Variants in TEX29 observed in about 807,000 individuals in gnomAD.
TEX29 encodes testis-expressed protein 29.
A neutral mutation model predicts 18.2 loss-of-function variants in TEX29; 26 were observed. The ratio of observed to expected loss-of-function variants is 1.43; its 90% confidence interval spans 1.04 to 1.98. The LOEUF (loss-of-function observed/expected upper bound fraction) is 1.98. Ranked by LOEUF, TEX29 falls within the 30% of genes most tolerant of loss-of-function variation. The pLI, the probability that TEX29 is intolerant of heterozygous loss-of-function variation, is 0.00. For missense variants in TEX29, 177 were observed against 194.2 expected (o/e 0.91, Z 0.53); for synonymous variants, 83 against 78.5 (o/e 1.06, Z -0.31).
At chr13:111,328,566 C>CCCTT (rs2093677871) in intron 3 of TEX29, among the ~76,000 whole-genome samples, 1 of 152,130 alleles carries the variant, frequency 6.6e-6, no homozygotes, top group South Asian at 2.1e-4. Flanking sequence ...AATGGAGGCC[C>CCCTT]CCTTCATGGA....
intron 3 of TEX29, among the ~76,000 whole-genome samples, chr13:111,336,498 G>A (rs1161906397): frequency 6.6e-6 from 1 of 152,208 alleles, no homozygotes; most frequent in Non-Finnish European, 1.5e-5. Context: ...TTAAGAATAT[G>A]AATTGGGAAT....
intron 3 of TEX29, among the ~76,000 whole-genome samples, chr13:111,334,619 C>T (rs969601510): frequency 4.5e-4 from 68 of 152,346 alleles, no homozygotes; most frequent in Middle Eastern, 6.8e-3. Context: ...GCTCTCTATG[C>T]ACATCTCATT....
chr13:111,334,104 A>G (rs938227320), intron 3 of TEX29, among the ~76,000 whole-genome samples: 1 of 152,124 alleles, frequency 6.6e-6, no homozygotes, highest in African/African-American at 2.4e-5. Context: ...TATTAATGGC[A>G]TTTTTTATGT....
In TEX29 at chr13:111,320,716, G is replaced by A; in HGVS notation, c.-81G>A. The A allele has an allele frequency of 4.1e-6, 3 of 733,498 alleles. No individual in the cohort carries two copies. Among genetic ancestry groups the A allele is most frequent in the Admixed American group, 2.1e-5 (1 of 48,586 alleles). The allele number at this position is 733,498 out of a possible 1,614,324, so 45.4% of individuals were successfully genotyped here. Reference sequence around the variant, plus strand: ...GGTGTTTTCCACGTGGAGTGGGACTGAGAGGCACAGGTGGCTGAGGGGACC... The same window carrying A: ...GGTGTTTTCCACGTGGAGTGGGACTAAGAGGCACAGGTGGCTGAGGGGACC... On this transcript the variant is annotated 5_prime_UTR_variant, in exon 1 of 6. Coordinates refer to ENST00000283547, the MANE Select transcript of TEX29 (RefSeq NM_152324.3).
At chr13:111,327,337 C>T (rs1169059245) in intron 2 of TEX29, among the ~76,000 whole-genome samples, 1 of 152,186 alleles carries the variant, frequency 6.6e-6, no homozygotes, top group Admixed American at 6.5e-5. Context: ...AAATGGGGCT[C>T]CTCAAGGGTC....
intron 4 of TEX29, 147 bp downstream of exon 4, chr13:111,340,079 G>A: frequency 1.4e-6 from 1 of 708,012 alleles, no homozygotes; most frequent in South Asian, 1.7e-5. Flanking sequence ...AAAGGGAACT[G>A]GCCAGGCTCA....
chr13:111,319,612 C>T (rs1379734406), upstream of TEX29, among the ~76,000 whole-genome samples: 1 of 152,154 alleles, frequency 6.6e-6, no homozygotes, highest in Non-Finnish European at 1.5e-5. Context: ...CACATCCAAG[C>T]CGTCCGCCAC....
At chr13:111,323,070 G>T (rs556179546) in intron 2 of TEX29, among the ~76,000 whole-genome samples, 2 of 152,358 alleles carry the variant, frequency 1.3e-5, no homozygotes, top group South Asian at 4.1e-4. Context: ...CGGGTGCAGT[G>T]CAGACTCTGG....
intron 3 of TEX29, among the ~76,000 whole-genome samples, chr13:111,329,998 C>T (rs1158061171): frequency 1.3e-5 from 2 of 151,868 alleles, no homozygotes; most frequent in Non-Finnish European, 2.9e-5. Context: ...CTAGGGGGCG[C>T]GTGGTGAGAA....
At position 111,328,263 on chromosome 13, in the gene TEX29, G is replaced by A. The variant is rs776613422; in HGVS notation, c.139G>A (p.Glu47Lys). 9 of 1,613,706 alleles carry A rather than the reference G, an allele frequency of 5.6e-6. No homozygotes were observed. Among genetic ancestry groups the A allele is most frequent in the Admixed American group, 3.3e-5 (2 of 60,008 alleles). ...RCQELGCCFY[E>K]GVCYKKAVPI... Reference sequence around the variant, plus strand: ...CCAGGAGCTCGGGTGCTGCTTCTACGAAGGCGTCTGCTACAAGAAAGCGGT... The same window carrying A: ...CCAGGAGCTCGGGTGCTGCTTCTACAAAGGCGTCTGCTACAAGAAAGCGGT... Residue 47 changes from glutamate (E) to lysine (K), a missense_variant, in exon 3 of 6, where the codon GAA (glutamate) becomes AAA (lysine). Physicochemically the swap from Glu to Lys is moderately conservative, Grantham distance 56. Coordinates refer to ENST00000283547, the MANE Select transcript of TEX29 (RefSeq NM_152324.3).
chr13:111,321,082 A>T, intron 2 of TEX29, 134 bp downstream of exon 2: 2 of 933,962 alleles, frequency 2.1e-6, no homozygotes, highest in Non-Finnish European at 3.2e-6. Context: ...GCAAGGCAGC[A>T]AAATGTGTGT....
At chr13:111,321,863 G>A (rs929961402) in intron 2 of TEX29, among the ~76,000 whole-genome samples, 1 of 152,260 alleles carries the variant, frequency 6.6e-6, no homozygotes, top group African/African-American at 2.4e-5. Context: ...GGCAGAGATT[G>A]CAGTGAGCTG....
chr13:111,325,307 G>A (rs1195939880), intron 2 of TEX29, among the ~76,000 whole-genome samples: 1 of 152,246 alleles, frequency 6.6e-6, no homozygotes, highest in Non-Finnish European at 1.5e-5. Flanking sequence ...GAGAGAGCCA[G>A]GCAGTGAGCC....
intron 2 of TEX29, among the ~76,000 whole-genome samples, chr13:111,327,495 C>T (rs796885216): frequency 1.6e-4 from 25 of 152,290 alleles, no homozygotes; most frequent in African/African-American, 5.8e-4. Context: ...CAGCAAAGGT[C>T]TCTGCGGGCA....
At chr13:111,329,240 C>T (rs752832762) in intron 3 of TEX29, among the ~76,000 whole-genome samples, 1 of 152,114 alleles carries the variant, frequency 6.6e-6, no homozygotes, top group Non-Finnish European at 1.5e-5. Context: ...CGGGAGGGAA[C>T]AGTGCAGCCC....
intron 2 of TEX29, among the ~76,000 whole-genome samples, chr13:111,324,908 G>A (rs534803576): frequency 4.6e-5 from 7 of 152,340 alleles, no homozygotes; most frequent in African/African-American, 7.2e-5. Context: ...TGGCGTGGGC[G>A]TGTTAGAAGC....
At chr13:111,335,337 T>C (rs2093688122) in intron 3 of TEX29, among the ~76,000 whole-genome samples, 1 of 152,224 alleles carries the variant, frequency 6.6e-6, no homozygotes, top group Admixed American at 6.5e-5. Flanking sequence ...GCCAGAATCT[T>C]ACTTGAGAGA....
At chr13:111,326,281 G>C (rs1187778457) in intron 2 of TEX29, among the ~76,000 whole-genome samples, 3 of 82,956 alleles carry the variant, frequency 3.6e-5, no homozygotes, top group Non-Finnish European at 8.2e-5. Flanking sequence ...GTCTGGTGGG[G>C]TGGAAGAGAC....
Position 111,320,874 on chromosome 13 carries a change from A to G in TEX29, c.-17A>G. The G allele has an allele frequency of 6.2e-7, 1 of 1,610,522 alleles. No homozygotes were observed. The highest frequency in any genetic ancestry group is 1.1e-5 in the South Asian group (1 of 91,042). On this transcript the variant is annotated 5_prime_UTR_variant, in exon 2 of 6. Coordinates refer to ENST00000283547, the MANE Select transcript of TEX29 (RefSeq NM_152324.3). ...TTTTCCAGGTGTGCTCGGCCCCTTC[A>G]TCTGTCAGCTGCAGCAATGGAATAC... is the stretch of plus-strand genomic sequence containing the variant.
Sources: allele counts gnomAD v4.1 joint callset (sites outside exome capture counted in the v4.1 genomes callset), GRCh38; gene constraint gnomAD v4.1.1; transcripts MANE v1.5; gene names NCBI Gene and HGNC (gene_info 2026-07-23, HGNC 2026-07-21).